The following UHRF2 variants were observed in gnomAD, a reference collection of about 807,000 sequenced individuals.
UHRF2 encodes the protein E3 ubiquitin-protein ligase UHRF2.
A neutral mutation model predicts 96.8 loss-of-function variants in UHRF2; 23 were observed. The observed-to-expected ratio is 0.24, with a 90% confidence interval of 0.17 to 0.34. The LOEUF (loss-of-function observed/expected upper bound fraction) is 0.34, where lower values mean the gene tolerates loss of function less well. Among genes scored for constraint, UHRF2 ranks in the 10% least tolerant of loss-of-function variants. The pLI, the probability that UHRF2 is intolerant of heterozygous loss-of-function variation, is 1.00. For synonymous variants in UHRF2, 385 were observed against 332.6 expected (o/e 1.16, Z -1.72); for missense variants, 685 against 981.5 (o/e 0.70, Z 4.04).
intron 9 of UHRF2, among the ~76,000 whole-genome samples, chr9:6,490,203 C>T (rs1438408854): frequency 1.3e-5 from 2 of 152,190 alleles, no homozygotes; most frequent in Non-Finnish European, 2.9e-5. Flanking sequence ...ACTCTGGTAA[C>T]TCAGTTTCCC....
intron 4 of UHRF2, chr9:6,468,584 G>C (rs1016352755): frequency 4.4e-6 from 2 of 456,046 alleles, no homozygotes; most frequent in Non-Finnish European, 8.8e-6. Context: ...GCTAGGAGTA[G>C]GATGGAAAAA....
At chr9:6,465,280 T>A (rs1174500912) in intron 4 of UHRF2, among the ~76,000 whole-genome samples, 2 of 152,208 alleles carry the variant, frequency 1.3e-5, no homozygotes, top group Non-Finnish European at 2.9e-5. Flanking sequence ...TGCGTGAAAT[T>A]TACATGTTAA....
At chr9:6,482,992 A>C (rs1346762321) in intron 8 of UHRF2, among the ~76,000 whole-genome samples, 6 of 152,134 alleles carry the variant, frequency 3.9e-5, no homozygotes, top group African/African-American at 1.2e-4. Context: ...ATTGGTTCCA[A>C]GATCCCCTAT....
At chr9:6,489,250 C>A (rs1011554406) in intron 9 of UHRF2, among the ~76,000 whole-genome samples, 3 of 152,104 alleles carry the variant, frequency 2.0e-5, no homozygotes, top group African/African-American at 7.2e-5. Flanking sequence ...TAGTTCATTT[C>A]TTTTTATTGA....
In UHRF2 at chr9:6,479,325, C is replaced by A. The variant is rs138700713; in HGVS notation, c.1160+1517C>A. On this transcript the variant is annotated intron_variant, in intron 6 of 15. Coordinates refer to ENST00000276893, the MANE Select transcript of UHRF2 (RefSeq NM_152896.3). ...CCTAAGGGTCAGTTCTCATTCCTTA[C>A]TCAACTGCTTAGCTGGTTACTCTGT... Among the ~76,000 whole-genome samples, 8 of 152,292 alleles carry A rather than the reference C, an allele frequency of 5.3e-5. No individual in the cohort carries two copies. The East Asian group carries it at 1.5e-3, about 29-fold the overall frequency.
rs1199097505 is a variant in UHRF2 at position 6,499,829 on chromosome 9, CA to C, written c.1909-5del. The C allele has an allele frequency of 6.3e-7, 1 of 1,591,608 alleles. No homozygotes were observed. The highest frequency in any genetic ancestry group is 2.3e-5 in the East Asian group (1 of 43,300). ...CATTGTACTCTCCCTCCTCCCCCCC[CA>C]TCAGTATCCAGCAGGTTACCCTTCA... On this transcript the variant is annotated splice_region_variant and splice_polypyrimidine_tract_variant and intron_variant, in intron 12 of 15. Transcript: ENST00000276893.
At chr9:6,446,509 G>A (rs1048065996) in intron 3 of UHRF2, among the ~76,000 whole-genome samples, 2 of 151,794 alleles carry the variant, frequency 1.3e-5, no homozygotes, top group Non-Finnish European at 2.9e-5. Context: ...TCAAACTCCT[G>A]GGCTGAAGTG....
intron 2 of UHRF2, among the ~76,000 whole-genome samples, chr9:6,427,826 G>A (rs1820345616): frequency 6.6e-6 from 1 of 152,128 alleles, no homozygotes. Context: ...TACATATGGA[G>A]AGCCTATGAA....
chr9:6,445,524 G>A (rs1019837549), intron 3 of UHRF2, among the ~76,000 whole-genome samples: 1 of 152,154 alleles, frequency 6.6e-6, no homozygotes, highest in Non-Finnish European at 1.5e-5. Flanking sequence ...GCCTCCCAAA[G>A]TTCTGGAATT....
At chr9:6,440,253 A>G (rs1403243361) in intron 3 of UHRF2, among the ~76,000 whole-genome samples, 3 of 152,328 alleles carry the variant, frequency 2.0e-5, no homozygotes, top group Non-Finnish European at 4.4e-5. Context: ...ATAGCTTATG[A>G]TATTTTAGAG....
At position 6,499,897 on chromosome 9, in the gene UHRF2, G is replaced by A; in HGVS notation, c.1971G>A (p.Gln657=). Residue 657 remains glutamine, a synonymous_variant, in exon 13 of 16, where the codon CAG becomes CAA. Transcript: ENST00000276893. ...AGCCTAAAGGACAGTCAAAGAAGCA[G>A]CCCAGTGGAACCACAAAAAGGCCAA... is the stretch of plus-strand genomic sequence containing the variant. ...GKKPKGQSKK[Q]PSGTTKRPIS... 6.2e-7 allele frequency: 1 copy of A among 1,612,054 alleles called. No individual in the cohort carries two copies. The highest frequency in any genetic ancestry group is 1.1e-5 in the South Asian group (1 of 90,954).
intron 3 of UHRF2, among the ~76,000 whole-genome samples, chr9:6,444,307 T>C (rs991043050): frequency 6.6e-6 from 1 of 152,242 alleles, no homozygotes; most frequent in Non-Finnish European, 1.5e-5. Context: ...CTATGACTTG[T>C]AGGCTCCTGA....
chr9:6,422,599 C>T (rs753648664), intron 2 of UHRF2: 1 of 580,908 alleles, frequency 1.7e-6, no homozygotes, highest in Non-Finnish European at 3.2e-6. Context: ...GACTTGACTT[C>T]TCCATTAACT....
chr9:6,479,601 A>G (rs985110305), intron 6 of UHRF2, among the ~76,000 whole-genome samples: 5 of 152,106 alleles, frequency 3.3e-5, no homozygotes, highest in African/African-American at 1.2e-4. Flanking sequence ...CTTCATATCT[A>G]ATTTCCCCTG....
At chr9:6,478,503 A>T (rs989884308) in intron 6 of UHRF2, among the ~76,000 whole-genome samples, 2 of 152,242 alleles carry the variant, frequency 1.3e-5, no homozygotes, top group Non-Finnish European at 2.9e-5. Context: ...GGCTCCAATT[A>T]TACTTGCCAA....
intron 3 of UHRF2, among the ~76,000 whole-genome samples, chr9:6,437,903 C>T (rs1331540422): frequency 1.3e-5 from 2 of 152,164 alleles, no homozygotes; most frequent in African/African-American, 2.4e-5. Context: ...TGAGCCACCG[C>T]ACCCGGCTAG....
chr9:6,462,560 A>C (rs1367176371), intron 4 of UHRF2, among the ~76,000 whole-genome samples: 1 of 152,206 alleles, frequency 6.6e-6, no homozygotes. Context: ...TTGGAAGTAG[A>C]AAGCATGTGT....
chr9:6,452,119 TC>T (rs1475222961), intron 3 of UHRF2, among the ~76,000 whole-genome samples: 2 of 152,128 alleles, frequency 1.3e-5, no homozygotes, highest in Non-Finnish European at 2.9e-5. Context: ...GGAGATCACT[TC>T]CTAGTATGTT....
chr9:6,424,577 A>G (rs1268263477), intron 2 of UHRF2, among the ~76,000 whole-genome samples: 1 of 152,202 alleles, frequency 6.6e-6, no homozygotes, highest in Non-Finnish European at 1.5e-5. Flanking sequence ...TGAAGATAGT[A>G]GAGAGAGTTC....
Sources: gnomAD v4.1 joint callset for allele counts (sites outside exome capture counted in the v4.1 genomes callset) on GRCh38, gnomAD v4.1.1 for gene constraint, MANE v1.5 for transcripts, NCBI Gene and HGNC (gene_info 2026-07-23, HGNC 2026-07-21) for gene names.